CSMD1: variants seen among roughly 807,000 people sequenced by gnomAD.
CSMD1 encodes CUB and Sushi multiple domains 1.
Under a neutral mutation model 417.5 loss-of-function variants are expected in CSMD1, and 213 were observed. The ratio of observed to expected loss-of-function variants is 0.51; its 90% confidence interval spans 0.46 to 0.57. The LOEUF is 0.57. Ranked by LOEUF, CSMD1 falls within the 20% of genes least tolerant of loss-of-function variation. The pLI, the probability that CSMD1 is intolerant of heterozygous loss-of-function variation, is 0.00. For synonymous variants in CSMD1, 2,862 were observed against 1,736.8 expected (o/e 1.65, Z -16.11); for missense variants, 6,923 against 4,529.7 (o/e 1.53, Z -15.17).
intron 5 of CSMD1, among the ~76,000 whole-genome samples, chr8:3,761,992 T>C (rs1798032172): frequency 6.6e-6 from 1 of 152,118 alleles, no homozygotes; most frequent in Non-Finnish European, 1.5e-5. Context: ...GGTGACATCA[T>C]CCACTCCTGC....
At chr8:3,571,723 G>A (rs527866067) in intron 10 of CSMD1, among the ~76,000 whole-genome samples, 1 of 151,820 alleles carries the variant, frequency 6.6e-6, no homozygotes. Flanking sequence ...CTCCGTCCCT[G>A]TGCTGGAAGG....
intron 2 of CSMD1, among the ~76,000 whole-genome samples, chr8:4,541,557 G>A (rs113693547): frequency 0.078 from 11,843 of 151,798 alleles, 603 homozygotes; most frequent in East Asian, 0.13. Context: ...AGAACAGCCT[G>A]GCCACCATGG....
At chr8:4,420,145 T>A (rs1797166497) in intron 2 of CSMD1, 80 bp from the exon 3 acceptor site, 1 of 921,818 alleles carries the variant, frequency 1.1e-6, no homozygotes, top group Non-Finnish European at 1.7e-6. Context: ...AGTCACTGAA[T>A]AACTTGAACA....
intron 1 of CSMD1, among the ~76,000 whole-genome samples, chr8:4,830,255 T>C (rs908422899): frequency 6.6e-6 from 1 of 152,166 alleles, no homozygotes; most frequent in Admixed American, 6.5e-5. Flanking sequence ...AACACCCAAA[T>C]GAATTCAAGC....
intron 33 of CSMD1, among the ~76,000 whole-genome samples, chr8:3,194,552 G>A (rs899745979): frequency 7.9e-5 from 12 of 151,644 alleles, no homozygotes; most frequent in African/African-American, 2.9e-4. Flanking sequence ...CCACGTCCCA[G>A]GTTCAAGCAA....
At chr8:3,848,726 T>C (rs1803680080) in intron 5 of CSMD1, among the ~76,000 whole-genome samples, 1 of 152,114 alleles carries the variant, frequency 6.6e-6, no homozygotes, top group Non-Finnish European at 1.5e-5. Flanking sequence ...AATGCAATGG[T>C]CTTTTAGGTG....
At chr8:4,140,420 C>A (rs1047207372) in intron 3 of CSMD1, among the ~76,000 whole-genome samples, 1 of 150,866 alleles carries the variant, frequency 6.6e-6, no homozygotes, top group East Asian at 1.9e-4. Flanking sequence ...ATTGCTTGAA[C>A]CTGGGAAGTG....
chr8:3,288,676 T>G (rs1803329638), intron 25 of CSMD1, among the ~76,000 whole-genome samples: 1 of 147,272 alleles, frequency 6.8e-6, no homozygotes, highest in East Asian at 2.0e-4. Flanking sequence ...TGTGTCTATT[T>G]GATTCTTCTC....
At chr8:3,846,965 G>A (rs760335050) in intron 5 of CSMD1, among the ~76,000 whole-genome samples, 1 of 152,158 alleles carries the variant, frequency 6.6e-6, no homozygotes, top group Non-Finnish European at 1.5e-5. Flanking sequence ...GTGAGCCACT[G>A]CGCCTGGCCC....
intron 25 of CSMD1, among the ~76,000 whole-genome samples, chr8:3,287,737 G>T (rs540608042): frequency 1.3e-5 from 2 of 152,232 alleles, no homozygotes; most frequent in Non-Finnish European, 2.9e-5. Flanking sequence ...ATACAATCAC[G>T]TCATCTGCCA....
chr8:3,086,292 CAT>C (rs1814525331), intron 49 of CSMD1, among the ~76,000 whole-genome samples: 1 of 152,034 alleles, frequency 6.6e-6, no homozygotes, highest in Non-Finnish European at 1.5e-5. Context: ...AGAGGTAAAA[CAT>C]AAATAATACA....
chr8:4,733,072 T>A (rs1012768095), intron 1 of CSMD1, among the ~76,000 whole-genome samples: 1 of 151,796 alleles, frequency 6.6e-6, no homozygotes, highest in African/African-American at 2.4e-5. Context: ...AAGACCGAGG[T>A]TGGTATTTAA....
chr8:4,392,310 G>A (rs1251429351), intron 3 of CSMD1, among the ~76,000 whole-genome samples: 1 of 152,136 alleles, frequency 6.6e-6, no homozygotes, highest in African/African-American at 2.4e-5. Flanking sequence ...CAAGCGGCAG[G>A]TTTTACCATG....
At chr8:3,007,632 G>A (rs1417686461) in intron 52 of CSMD1, among the ~76,000 whole-genome samples, 3 of 151,560 alleles carry the variant, frequency 2.0e-5, no homozygotes, top group Non-Finnish European at 2.9e-5. Flanking sequence ...GGACATGGAT[G>A]AAATTGGAAA....
At chr8:2,981,545 T>C (rs1805426047) in intron 54 of CSMD1, among the ~76,000 whole-genome samples, 1 of 152,222 alleles carries the variant, frequency 6.6e-6, no homozygotes, top group South Asian at 2.1e-4. Flanking sequence ...ACACTAAGAC[T>C]TGATTTCCAA....
chr8:4,375,632 T>C (rs1334269837), intron 3 of CSMD1, among the ~76,000 whole-genome samples: 3 of 152,142 alleles, frequency 2.0e-5, no homozygotes, highest in Non-Finnish European at 2.9e-5. Context: ...GAATTGTGGC[T>C]GTGGGATGGT....
chr8:3,084,247 G>C (rs1028447441), intron 49 of CSMD1, among the ~76,000 whole-genome samples: 3 of 152,168 alleles, frequency 2.0e-5, no homozygotes, highest in Non-Finnish European at 2.9e-5. Context: ...TCTAGAGCTG[G>C]GCAGGGTGGC....
intron 2 of CSMD1, among the ~76,000 whole-genome samples, chr8:4,610,668 T>C (rs1478274): frequency 0.19 from 28,809 of 152,118 alleles, 3,668 homozygotes; most frequent in African/African-American, 0.36. Flanking sequence ...ATTCATCCCA[T>C]GAATTAGTTT....
intron 3 of CSMD1, among the ~76,000 whole-genome samples, chr8:4,284,257 G>A (rs925203218): frequency 2.0e-5 from 3 of 152,068 alleles, no homozygotes; most frequent in African/African-American, 4.8e-5. Flanking sequence ...AATGTTAGCT[G>A]CTCGCGAGGC....
Sources: allele counts gnomAD v4.1 joint callset (sites outside exome capture counted in the v4.1 genomes callset), GRCh38; gene constraint gnomAD v4.1.1; transcripts MANE v1.5; gene names NCBI Gene and HGNC (gene_info 2026-07-23, HGNC 2026-07-21).